The following KDM7A variants were observed in gnomAD, a reference collection of about 807,000 sequenced individuals.
KDM7A encodes the protein lysine demethylase 7A, also known as lysine-specific demethylase 7A.
Under a neutral mutation model 114.8 loss-of-function variants are expected in KDM7A, and 28 were observed. The observed-to-expected ratio is 0.24, with a 90% CI of 0.18 to 0.33. The LOEUF (loss-of-function observed/expected upper bound fraction) is 0.33. Among genes scored for constraint, KDM7A ranks in the 10% least tolerant of loss-of-function variants. The pLI, the probability that KDM7A is intolerant of heterozygous loss-of-function variation, is 1.00. For synonymous variants in KDM7A, 423 were observed against 397.8 expected (o/e 1.06, Z -0.75); for missense variants, 942 against 1,142.5 (o/e 0.82, Z 2.53).
At chr7:140,175,114 A>G (rs935171343) in intron 1 of KDM7A, among the ~76,000 whole-genome samples, 4 of 152,216 alleles carry the variant, frequency 2.6e-5, no homozygotes, top group Admixed American at 2.0e-4. Flanking sequence ...CAAGACTGCT[A>G]AAGATTATAC....
At chr7:140,111,311 A>G (rs1416641381) in intron 10 of KDM7A, 127 bp from the exon 11 acceptor site, 1 of 595,020 alleles carries the variant, frequency 1.7e-6, no homozygotes, top group Non-Finnish European at 3.0e-6. Context: ...CTAGTAAGCC[A>G]GGTTTCAGAG....
chr7:140,096,805 CTGA>C, intron 16 of KDM7A, 42 bp from the exon 17 acceptor site: 1 of 1,595,184 alleles, frequency 6.3e-7, no homozygotes, highest in Non-Finnish European at 8.6e-7. Flanking sequence ...TCTATTTTTT[CTGA>C]TGACATTTTT....
intron 2 of KDM7A, among the ~76,000 whole-genome samples, chr7:140,133,992 A>C (rs79709229): frequency 2.0e-5 from 3 of 152,232 alleles, no homozygotes; most frequent in Non-Finnish European, 4.4e-5. Context: ...TCATCAGAAC[A>C]TTAGGTCCTA....
intron 6 of KDM7A, 27 bp from the exon 7 acceptor site, chr7:140,124,810 G>A: frequency 6.7e-7 from 1 of 1,494,114 alleles, no homozygotes; most frequent in South Asian, 1.2e-5. Flanking sequence ...TACTATTTTT[G>A]AAAAAGCAAA....
At chr7:140,108,403 A>G (rs11763773) in intron 11 of KDM7A, among the ~76,000 whole-genome samples, 11,653 of 151,940 alleles carry the variant, frequency 0.077, 573 homozygotes, top group Admixed American at 0.1. Context: ...TTTTTTCCCC[A>G]TCTTTGTGGT....
At position 140,120,489 on chromosome 7, in the gene KDM7A, A is replaced by G. The variant is rs1220553664; in HGVS notation, c.1092T>C (p.Ala364=). 6.2e-7 allele frequency: 1 copy of G among 1,613,162 alleles called. No individual in the cohort carries two copies. The highest frequency in any genetic ancestry group is 8.5e-7 in the Non-Finnish European group (1 of 1,179,298). Reference sequence around the variant, plus strand: ...GGTTGTGCAGGAAGTTCCCCCCAAAAGCCATACAGTCCTGAGAAGTGAGCA... The same window carrying G: ...GGTTGTGCAGGAAGTTCCCCCCAAAGGCCATACAGTCCTGAGAAGTGAGCA... ...HAVLTSQDCM[A]FGGNFLHNLN... Residue 364 remains alanine, a synonymous_variant, in exon 8 of 20, where the codon GCT becomes GCC. Coordinates refer to ENST00000397560, the MANE Select transcript of KDM7A (RefSeq NM_030647.2).
At chr7:140,097,090 G>A in intron 15 of KDM7A, 43 bp from the exon 16 acceptor site, 1 of 1,489,614 alleles carries the variant, frequency 6.7e-7, no homozygotes, top group South Asian at 1.2e-5. Context: ...ATAAGAAATT[G>A]ACCAAGTCTG....
chr7:140,138,970 A>C, intron 2 of KDM7A, 135 bp downstream of exon 2: 1 of 544,282 alleles, frequency 1.8e-6, no homozygotes, highest in African/African-American at 1.9e-5. Context: ...TACCTTGAGC[A>C]AAATCTTTCC....
intron 14 of KDM7A, among the ~76,000 whole-genome samples, chr7:140,098,042 C>T (rs575889693): frequency 2.2e-4 from 33 of 152,300 alleles, no homozygotes; most frequent in African/African-American, 7.0e-4. Flanking sequence ...AACGCATTCA[C>T]GTAGATAGTG....
chr7:140,107,012 T>G (rs942078470), intron 11 of KDM7A, among the ~76,000 whole-genome samples: 55 of 152,234 alleles, frequency 3.6e-4, no homozygotes, highest in Non-Finnish European at 6.2e-4. Flanking sequence ...ATTGATCCCT[T>G]TAGCATTATG....
rs933341287 is a variant in KDM7A, at chr7:140,084,782, C to T, written c.*6312G>A. ...ATTCAGATTCTTTTTCTTTCAAGGA[C>T]GCATTTTATACAATTTTCAACATTT... is the stretch of plus-strand genomic sequence containing the variant. On this transcript the variant is annotated 3_prime_UTR_variant, in exon 20 of 20. Coordinates refer to ENST00000397560, the MANE Select transcript of KDM7A (RefSeq NM_030647.2). The T allele has an allele frequency of 2.6e-5, 4 of 152,058 alleles. No individual in the cohort carries two copies. Among genetic ancestry groups the T allele is most frequent in the African/African-American group, 9.7e-5 (4 of 41,374 alleles). 9.4% of individuals were successfully genotyped at this position (152,058 alleles called of 1,614,324 possible).
chr7:140,152,873 T>C, intron 1 of KDM7A, among the ~76,000 whole-genome samples: 1 of 152,082 alleles, frequency 6.6e-6, no homozygotes, highest in African/African-American at 2.4e-5. Context: ...GTAATTCCTT[T>C]TTTTTGAGAC....
At chr7:140,137,358 T>C (rs1225284247) in intron 2 of KDM7A, among the ~76,000 whole-genome samples, 1 of 152,252 alleles carries the variant, frequency 6.6e-6, no homozygotes, top group East Asian at 1.9e-4. Context: ...GTGTATCACA[T>C]TATTCTGCCT....
chr7:140,100,689 C>CACATACATATAT (rs1562945966), intron 12 of KDM7A, among the ~76,000 whole-genome samples: 1 of 54,008 alleles, frequency 1.9e-5, no homozygotes, highest in Non-Finnish European at 3.6e-5. Context: ...TACATATATA[C>CACATACATATAT]ATATATATAT....
At chr7:140,153,302 A>G (rs1301358476) in intron 1 of KDM7A, among the ~76,000 whole-genome samples, 4 of 151,666 alleles carry the variant, frequency 2.6e-5, no homozygotes, top group African/African-American at 9.7e-5. Context: ...CCTGGCTAAC[A>G]CAGTGAAACC....
chr7:140,104,353 T>G (rs1818290141), intron 11 of KDM7A, among the ~76,000 whole-genome samples: 1 of 152,206 alleles, frequency 6.6e-6, no homozygotes, highest in African/African-American at 2.4e-5. Flanking sequence ...ACCATTGCTT[T>G]TGGTGTTTTA....
At chr7:140,159,807 ACTG>A (rs1324621965) in intron 1 of KDM7A, among the ~76,000 whole-genome samples, 1 of 152,202 alleles carries the variant, frequency 6.6e-6, no homozygotes, top group Non-Finnish European at 1.5e-5. Flanking sequence ...TCAGCATATC[ACTG>A]GCAACAGGGC....
At chr7:140,095,723 A>T (rs901191751) in intron 17 of KDM7A, 3 of 209,804 alleles carry the variant, frequency 1.4e-5, no homozygotes, top group South Asian at 1.4e-4. Flanking sequence ...TACAAAAAAT[A>T]AAAAAATTAG....
intron 9 of KDM7A, among the ~76,000 whole-genome samples, chr7:140,117,160 G>C (rs1562950926): frequency 6.6e-6 from 1 of 152,156 alleles, no homozygotes; most frequent in African/African-American, 2.4e-5. Context: ...ATTCTACACT[G>C]ATCTGGCTAA....
Sources: allele counts gnomAD v4.1 joint callset (sites outside exome capture counted in the v4.1 genomes callset), GRCh38; gene constraint gnomAD v4.1.1; transcripts MANE v1.5; gene names NCBI Gene and HGNC (gene_info 2026-07-23, HGNC 2026-07-21).